The following EIF5A2 variants were observed in gnomAD, a reference collection of about 807,000 sequenced individuals.
EIF5A2 encodes the protein eukaryotic translation initiation factor 5A-2.
In EIF5A2, 15 loss-of-function variants were observed where a neutral mutation model predicts 16.4. The ratio of observed to expected loss-of-function variants is 0.92; its 90% confidence interval spans 0.61 to 1.41. The LOEUF (loss-of-function observed/expected upper bound fraction) is 1.41, where lower values mean the gene tolerates loss of function less well. Ranked by LOEUF, EIF5A2 falls within the 40% of genes most tolerant of loss-of-function variation. EIF5A2 has a pLI of 0.00. For synonymous variants in EIF5A2, 48 were observed against 61.1 expected, an observed-to-expected ratio of 0.79 and a Z score of 1.00; for missense variants, 144 against 189.5, an observed-to-expected ratio of 0.76 and a Z score of 1.41.
chr3:170,901,962 G>A (rs528776076), intron 3 of EIF5A2, among the ~76,000 whole-genome samples: 59 of 151,934 alleles, frequency 3.9e-4, no homozygotes, highest in Non-Finnish European at 7.5e-4. Context: ...CACTATTATT[G>A]TACAGCCTAA....
Position 170,894,357 on chromosome 3 carries a change from T to A in EIF5A2, c.337A>T (p.Lys113Ter). The A allele has an allele frequency of 6.2e-7, 1 of 1,614,076 alleles. No individual in the cohort carries two copies. Among genetic ancestry groups the A allele is most frequent in the Non-Finnish European group, 8.5e-7 (1 of 1,179,978 alleles). The change falls in exon 4 of 5, where the codon AAA (lysine) becomes TAA (stop). Residue 113 changes from lysine (K) to a stop codon, truncating the protein, a stop_gained. Transcript: ENST00000295822. LOFTEE classifies it high-confidence loss of function. ...TTGCCTAGTTCACCTTCTGGCAGTT[T>A]AAGATCCTCACGAACTTCACCAGTT... is the stretch of plus-strand genomic sequence containing the variant. Reference protein sequence around the residue: ...TETGEVREDLKLPEGELGKEI... With the variant: ...TETGEVREDL
chr3:170,897,532 G>A (rs1402969751), intron 3 of EIF5A2, among the ~76,000 whole-genome samples: 3 of 152,234 alleles, frequency 2.0e-5, no homozygotes, highest in African/African-American at 7.2e-5. Flanking sequence ...AGCTTGGGCT[G>A]TTGCTTCAGA....
In EIF5A2 at chr3:170,891,066, T is replaced by G. The variant is rs1244745808; in HGVS notation, c.*2294A>C. On this transcript the variant is annotated 3_prime_UTR_variant, in exon 5 of 5. Transcript: ENST00000295822. ...GAAGATAGAGATGCATTATTATAAT[T>G]TGTACACCCTTAATTTGTACACAAT... 6.6e-6 allele frequency: 1 copy of G among 152,610 alleles called. No individual in the cohort carries two copies. The highest frequency in any genetic ancestry group is 1.5e-5 in the Non-Finnish European group (1 of 68,008). The allele number at this position is 152,610 out of a possible 1,614,324, so 9.5% of individuals were successfully genotyped here.
rs1191315026 is a variant in EIF5A2 at position 170,889,908 on chromosome 3, T to C, written c.*3452A>G. 1 of 152,576 alleles carries C rather than the reference T, an allele frequency of 6.6e-6. No homozygotes were observed. Among genetic ancestry groups the C allele is most frequent in the Non-Finnish European group, 1.5e-5 (1 of 67,958 alleles). The allele number at this position is 152,576 out of a possible 1,614,324, so 9.5% of individuals were successfully genotyped here. A position where few individuals can be genotyped will look rare whatever the true frequency, so the allele number is the denominator to read the frequency against. ...TATGGCAAGATTCCAGTATGGATGC[T>C]ACTGTTTCCATTTTTTTCTTGACTA... On this transcript the variant is annotated 3_prime_UTR_variant, in exon 5 of 5. Coordinates refer to ENST00000295822, the MANE Select transcript of EIF5A2 (RefSeq NM_020390.6).
intron 3 of EIF5A2, among the ~76,000 whole-genome samples, chr3:170,901,386 C>G (rs1018449015): frequency 6.6e-6 from 1 of 152,094 alleles, no homozygotes; most frequent in African/African-American, 2.4e-5. Flanking sequence ...GGAAGCAAAA[C>G]ATGATCTAAA....
At chr3:170,898,292 A>G (rs1189236334) in intron 3 of EIF5A2, among the ~76,000 whole-genome samples, 3 of 152,178 alleles carry the variant, frequency 2.0e-5, no homozygotes, top group Non-Finnish European at 4.4e-5. Flanking sequence ...GAAAGTGAGA[A>G]CATGAGATTT....
rs67417067 is a variant in EIF5A2, at chr3:170,889,048, CTTTTTTTTTTTTT to C, written c.*4299_*4311del. 1.0e-5 allele frequency: 1 copy of C among 96,188 alleles called. No homozygotes were observed. The highest frequency in any genetic ancestry group is 1.9e-5 in the Non-Finnish European group (1 of 52,950). The allele number at this position is 96,188 out of a possible 1,614,324, so 6.0% of individuals were successfully genotyped here. ...ACTTCATATAAATACAATAACCTGTCTTTTTTTTTTTTTTTTTTTTTTTGTAAAATAGGTTTCT... is the reference window on the plus strand; with the variant it reads ...ACTTCATATAAATACAATAACCTGTCTTTTTTTTTTGTAAAATAGGTTTCT... On this transcript the variant is annotated 3_prime_UTR_variant, in exon 5 of 5. Transcript: ENST00000295822.
At position 170,891,562 on chromosome 3, in the gene EIF5A2, T is replaced by C. The variant is rs1712536763; in HGVS notation, c.*1798A>G. 1 of 152,630 alleles carries C rather than the reference T, an allele frequency of 6.6e-6. No individual in the cohort carries two copies. The highest frequency in any genetic ancestry group is 2.4e-5 in the African/African-American group (1 of 41,464). 9.5% of individuals were successfully genotyped at this position (152,630 alleles called of 1,614,324 possible). A position where few individuals can be genotyped will look rare whatever the true frequency, so the allele number is the denominator to read the frequency against. ...AAAACTTGGGATCTTCTGTTACTAA[T>C]GCTATTTCCAGTCACTGATTAGATC... On this transcript the variant is annotated 3_prime_UTR_variant, in exon 5 of 5. Transcript: ENST00000295822.
chr3:170,901,891 C>T (rs1712825026), intron 3 of EIF5A2, among the ~76,000 whole-genome samples: 1 of 152,150 alleles, frequency 6.6e-6, no homozygotes, highest in Non-Finnish European at 1.5e-5. Context: ...CTTAGAGTTG[C>T]TGGTCCCTGA....
chr3:170,904,491 G>C (rs917717735), intron 3 of EIF5A2, among the ~76,000 whole-genome samples: 6 of 152,098 alleles, frequency 3.9e-5, no homozygotes, highest in African/African-American at 1.4e-4. Context: ...AAATAGAAAG[G>C]CCCACAGAAC....
At position 170,894,517 on chromosome 3, in the gene EIF5A2, A is replaced by G. The variant is rs796167605; in HGVS notation, c.271-94T>C. 2.4e-5 allele frequency: 25 copies of G among 1,039,278 alleles called. No homozygotes were observed. In the African/African-American group the frequency reaches 2.7e-4, roughly 11 times the overall value. 64.4% of individuals were successfully genotyped at this position (1,039,278 alleles called of 1,614,324 possible). A position where few individuals can be genotyped will look rare whatever the true frequency, so the allele number is the denominator to read the frequency against. The stretch of plus-strand genomic sequence containing the variant: ...TAAATTGCAATTGATATTAATTCAT[A>G]TAAGTATACAGTAATATATTAATAT... On this transcript the variant is annotated intron_variant, in intron 3 of 4. Coordinates refer to ENST00000295822, the MANE Select transcript of EIF5A2 (RefSeq NM_020390.6).
At position 170,902,174 on chromosome 3, in the gene EIF5A2, A is replaced by G. The variant is rs1712833216; in HGVS notation, c.270+4815T>C. Reference sequence around the variant, plus strand: ...CTTACCACACTGACACTTCTCCTTCAACTGATACCAATGACTAGATGGACA... The same window carrying G: ...CTTACCACACTGACACTTCTCCTTCGACTGATACCAATGACTAGATGGACA... On this transcript the variant is annotated intron_variant, in intron 3 of 4. Coordinates refer to ENST00000295822, the MANE Select transcript of EIF5A2 (RefSeq NM_020390.6). Among the ~76,000 whole-genome samples, 3 of 152,182 alleles carry G rather than the reference A, an allele frequency of 2.0e-5. No homozygotes were observed. The South Asian group carries it at 6.2e-4, about 32-fold the overall frequency.
At chr3:170,898,728 C>T (rs1177747800) in intron 3 of EIF5A2, among the ~76,000 whole-genome samples, 1 of 152,048 alleles carries the variant, frequency 6.6e-6, no homozygotes, top group Admixed American at 6.6e-5. Flanking sequence ...ATCTTAAGTT[C>T]TATAGAAAAG....
intron 3 of EIF5A2, among the ~76,000 whole-genome samples, chr3:170,903,823 A>G (rs1404829677): frequency 1.3e-5 from 2 of 152,234 alleles, no homozygotes; most frequent in African/African-American, 4.8e-5. Context: ...CAAATAATAT[A>G]CTACTTATTT....
rs576563969 is a variant in EIF5A2 at position 170,900,129 on chromosome 3, G to A, written c.271-5706C>T. 2.5e-3 allele frequency among the ~76,000 whole-genome samples: 374 copies of A among 151,958 alleles called. 2 individuals are homozygous for A. The highest frequency in any genetic ancestry group is 8.4e-3 in the African/African-American group (348 of 41,432). On this transcript the variant is annotated intron_variant, in intron 3 of 4. Coordinates refer to ENST00000295822, the MANE Select transcript of EIF5A2 (RefSeq NM_020390.6). ...CTCACACCTGTAATCCTAGCACTTC[G>A]GGAGGCCAAGGCAGGCGGATCATTT...
chr3:170,902,264 T>C (rs1306725988), intron 3 of EIF5A2, among the ~76,000 whole-genome samples: 1 of 152,170 alleles, frequency 6.6e-6, no homozygotes, highest in African/African-American at 2.4e-5. Context: ...GGTTATGCAT[T>C]ATATGATGAC....
At chr3:170,894,792 C>T (rs1383071842) in intron 3 of EIF5A2, among the ~76,000 whole-genome samples, 10 of 150,522 alleles carry the variant, frequency 6.6e-5, no homozygotes, top group Admixed American at 5.9e-4. Context: ...TTTGGGAGGC[C>T]GAGGCGGGCG....
At chr3:170,893,702 C>T (rs147650121) in intron 4 of EIF5A2, among the ~76,000 whole-genome samples, 69 of 152,282 alleles carry the variant, frequency 4.5e-4, no homozygotes, top group Non-Finnish European at 4.6e-4. Flanking sequence ...ATCTCCTTCA[C>T]TCTTTAACAT....
chr3:170,907,134 G>A (rs777856651), intron 2 of EIF5A2, 41 bp from the exon 3 acceptor site: 6 of 1,330,542 alleles, frequency 4.5e-6, no homozygotes, highest in Non-Finnish European at 6.4e-6. Context: ...TCTCTGCCAA[G>A]TATATCACTC....
Sources: gnomAD v4.1 joint callset for allele counts (sites outside exome capture counted in the v4.1 genomes callset) on GRCh38, gnomAD v4.1.1 for gene constraint, MANE v1.5 for transcripts, NCBI Gene and HGNC (gene_info 2026-07-23, HGNC 2026-07-21) for gene names.